The following RPL23 variants were observed in gnomAD, a reference collection of about 807,000 sequenced individuals.
The protein encoded by RPL23 is ribosomal protein L23.
For missense variants in RPL23, 79 were observed against 178.8 expected, an observed-to-expected ratio of 0.44 and a Z score of 3.18; for synonymous variants, 63 against 65.3, an observed-to-expected ratio of 0.97 and a Z score of 0.17.
Position 38,850,285 on chromosome 17 carries a change from G to T in RPL23, c.341-71C>A, listed in dbSNP as rs910995878. 7.1e-6 allele frequency: 11 copies of T among 1,549,466 alleles called. No individual in the cohort carries two copies. The African/African-American group carries it at 1.5e-4, about 21-fold the overall frequency. Reference sequence around the variant, plus strand: ...ACAGATTAAGACATCGTCAAACACAGAAGATCCTTGGCCTGTACTTCTAGA... The same window carrying T: ...ACAGATTAAGACATCGTCAAACACATAAGATCCTTGGCCTGTACTTCTAGA... On this transcript the variant is annotated intron_variant, in intron 4 of 4. Transcript: ENST00000479035.
In RPL23 at chr17:38,848,041, T is replaced by A. The variant is rs1912905897; in HGVS notation, c.*2091A>T. The A allele has an allele frequency of 6.5e-7, 1 of 1,546,414 alleles. No homozygotes were observed. The highest frequency in any genetic ancestry group is 8.7e-7 in the Non-Finnish European group (1 of 1,145,700). Reference sequence around the variant, plus strand: ...TCAGTGGTGTTACTGCACTCCAGCCTGTGTGACAGAGCAAGACTGCCTCAG... The same window carrying A: ...TCAGTGGTGTTACTGCACTCCAGCCAGTGTGACAGAGCAAGACTGCCTCAG... On this transcript the variant is annotated 3_prime_UTR_variant, in exon 5 of 5. Transcript: ENST00000479035.
At chr17:38,851,998 G>A (rs1913015701) in intron 3 of RPL23, 1 of 152,146 alleles carries the variant, frequency 6.6e-6, no homozygotes. Context: ...CAAGTATTTT[G>A]AGGCCTCCCC....
chr17:38,850,623 G>C, intron 3 of RPL23, 148 bp from the exon 4 acceptor site: 1 of 620,432 alleles, frequency 1.6e-6, no homozygotes, highest in Non-Finnish European at 2.9e-6. Flanking sequence ...TCCCACCTCA[G>C]CCTCTCTAGT....
intron 2 of RPL23, 104 bp downstream of exon 2, chr17:38,852,918 C>T (rs887595495): frequency 7.2e-7 from 1 of 1,383,630 alleles, no homozygotes; most frequent in Non-Finnish European, 1.0e-6. Context: ...CACCCAAAAG[C>T]GATGTTTTCA....
In RPL23 at chr17:38,850,422, C is replaced by T. The variant is rs139318203; in HGVS notation, c.280G>A (p.Val94Met). 610 of 1,613,882 alleles carry T rather than the reference C, an allele frequency of 3.8e-4. 1 individual carries two copies. The highest frequency in any genetic ancestry group is 5.2e-4 in the Admixed American group (31 of 59,990). ...QRKSYRRKDG[V>M]FLYFEDNAGV... ...GCATTATCTTCAAAATAAAGAAACA[C>T]GCCATCTTTTCTACGGTATGACTTT... The change falls in exon 4 of 5, where the codon GTG (valine) becomes ATG (methionine). Residue 94 changes from valine (V) to methionine (M), a missense_variant. Transcript: ENST00000479035.
chr17:38,853,050 T>C lies in RPL23; in HGVS notation c.69A>G (p.Gly23=). The change falls in exon 2 of 5, where the codon GGA becomes GGG. Residue 23 remains glycine, a synonymous_variant. Coordinates refer to ENST00000479035, the MANE Select transcript of RPL23 (RefSeq NM_000978.4). The stretch of plus-strand genomic sequence containing the variant: ...TGTTGTCAGCACAATTGATTACAGC[T>C]CCTACCGGAAGACCCAAGGAAATCC... ...KFRISLGLPV[G]AVINCADNTG... 1 of 1,613,966 alleles carries C rather than the reference T, an allele frequency of 6.2e-7. No homozygotes were observed.
chr17:38,850,343 A>C lies in RPL23; in HGVS notation c.340+19T>G. The stretch of plus-strand genomic sequence containing the variant: ...CCCAACCTCAGAGACCTAAGGAACA[A>C]GCTGGACTGATTTCCTACCTTTCAT... On this transcript the variant is annotated intron_variant, in intron 4 of 4. Transcript: ENST00000479035. 6.2e-7 allele frequency: 1 copy of C among 1,602,132 alleles called. No homozygotes were observed. Among genetic ancestry groups the C allele is most frequent in the South Asian group, 1.1e-5 (1 of 90,792 alleles).
chr17:38,852,823 T>A (rs778806893), intron 2 of RPL23, 91 bp from the exon 3 acceptor site: 1 of 1,573,922 alleles, frequency 6.4e-7, no homozygotes, highest in Admixed American at 1.7e-5. Context: ...CCAAAGCCCC[T>A]CCCTCCACTC....
At position 38,850,479 on chromosome 17, in the gene RPL23, AGAG is replaced by A. The variant is rs1442815047; in HGVS notation, c.227-7_227-5del. On this transcript the variant is annotated splice_region_variant and splice_polypyrimidine_tract_variant and intron_variant, in intron 3 of 4. Coordinates refer to ENST00000479035, the MANE Select transcript of RPL23 (RefSeq NM_000978.4). Reference sequence around the variant, plus strand: ...CGAATGACCACTGCTGGATGTACTGAGAGAAGAAAAAAGGACAGCAGTCATTAA... The same window carrying A: ...CGAATGACCACTGCTGGATGTACTGAAAGAAAAAAGGACAGCAGTCATTAA... The A allele has an allele frequency of 1.2e-6, 2 of 1,606,488 alleles. No homozygotes were observed. The highest frequency in any genetic ancestry group is 8.5e-7 in the Non-Finnish European group (1 of 1,173,496).
At position 38,849,298 on chromosome 17, in the gene RPL23, T is replaced by C. The variant is rs1038266236; in HGVS notation, c.*834A>G. ...AACTCACATCATTCCTCAAAATCCA[T>C]GTGTGTGTCCAGGATCTAACTATAT... On this transcript the variant is annotated 3_prime_UTR_variant, in exon 5 of 5. Transcript: ENST00000479035. 3 of 150,974 alleles carry C rather than the reference T, an allele frequency of 2.0e-5. No homozygotes were observed. Among genetic ancestry groups the C allele is most frequent in the African/African-American group, 7.3e-5 (3 of 41,014 alleles). The allele number at this position is 150,974 out of a possible 1,614,324, so 9.4% of individuals were successfully genotyped here. A position where few individuals can be genotyped will look rare whatever the true frequency, so the allele number is the denominator to read the frequency against.
At chr17:38,853,368 AC>A (rs1456020098) in intron 1 of RPL23, 53 of 698,530 alleles carry the variant, frequency 7.6e-5, no homozygotes, top group Non-Finnish European at 2.9e-5. Flanking sequence ...CTTTCGCAAA[AC>A]GCAATTACTC....
rs547543089 is a variant in RPL23 at position 38,847,893 on chromosome 17, C to A, written c.*2239G>T. The A allele has an allele frequency of 1.2e-4, 183 of 1,490,880 alleles. No homozygotes were observed. The African/African-American group carries it at 2.0e-3, about 16-fold the overall frequency. 92.4% of individuals were successfully genotyped at this position (1,490,880 alleles called of 1,614,324 possible). A position where few individuals can be genotyped will look rare whatever the true frequency, so the allele number is the denominator to read the frequency against. On this transcript the variant is annotated 3_prime_UTR_variant, in exon 5 of 5. Coordinates refer to ENST00000479035, the MANE Select transcript of RPL23 (RefSeq NM_000978.4). Reference sequence around the variant, plus strand: ...AAATATAAAGTTTTTTAATCCAAGTCAAAAAAAATCTCCAAAGAATAAAAT... The same window carrying A: ...AAATATAAAGTTTTTTAATCCAAGTAAAAAAAAATCTCCAAAGAATAAAAT...
rs150074732 is a variant in RPL23, at chr17:38,850,253, G to A, written c.341-39C>T. 193 of 1,549,836 alleles carry A rather than the reference G, an allele frequency of 1.2e-4. No homozygotes were observed. The African/African-American group carries it at 2.4e-3, about 19-fold the overall frequency. ...ATAAAATAAAATAAAATAAAAACATGTGGGGGACAGATTAAGACATCGTCA... is the reference window on the plus strand; with the variant it reads ...ATAAAATAAAATAAAATAAAAACATATGGGGGACAGATTAAGACATCGTCA... On this transcript the variant is annotated intron_variant, in intron 4 of 4. Coordinates refer to ENST00000479035, the MANE Select transcript of RPL23 (RefSeq NM_000978.4).
Position 38,853,016 on chromosome 17 carries a change from C to T in RPL23, c.97+6G>A, listed in dbSNP as rs977656573. On this transcript the variant is annotated splice_donor_region_variant and intron_variant, in intron 2 of 4. Coordinates refer to ENST00000479035, the MANE Select transcript of RPL23 (RefSeq NM_000978.4). ...GGGGGAGTATAGCAACGTGCAAAGA[C>T]CTCACCTGTGTTGTCAGCACAATTG... The T allele has an allele frequency of 3.0e-5, 49 of 1,613,690 alleles. No individual in the cohort carries two copies. The highest frequency in any genetic ancestry group is 4.2e-5 in the Non-Finnish European group (49 of 1,179,608).
Position 38,850,351 on chromosome 17 carries a change from TG to T in RPL23, c.340+10del. ...CAGAGACCTAAGGAACAAGCTGGAC[TG>T]ATTTCCTACCTTTCATCTCGCCTTT... On this transcript the variant is annotated intron_variant, in intron 4 of 4. Transcript: ENST00000479035. The T allele has an allele frequency of 6.2e-7, 1 of 1,607,850 alleles. No homozygotes were observed. The highest frequency in any genetic ancestry group is 8.5e-7 in the Non-Finnish European group (1 of 1,174,360).
intron 2 of RPL23, 135 bp downstream of exon 2, chr17:38,852,886 CA>C: frequency 7.3e-7 from 1 of 1,361,762 alleles, no homozygotes; most frequent in Admixed American, 1.7e-5. Flanking sequence ...CCGATTGAAG[CA>C]AACAACACAT....
intron 2 of RPL23, 60 bp from the exon 3 acceptor site, chr17:38,852,792 T>C: frequency 6.2e-6 from 10 of 1,611,778 alleles, no homozygotes; most frequent in Non-Finnish European, 8.5e-6. Flanking sequence ...GTTCCATCAG[T>C]ATAACATTTC....
At position 38,847,873 on chromosome 17, in the gene RPL23, T is replaced by C; in HGVS notation, c.*2259A>G. The C allele has an allele frequency of 6.8e-7, 1 of 1,475,366 alleles. No individual in the cohort carries two copies. Among genetic ancestry groups the C allele is most frequent in the Non-Finnish European group, 9.0e-7 (1 of 1,111,032 alleles). The allele number at this position is 1,475,366 out of a possible 1,614,324, so 91.4% of individuals were successfully genotyped here. A position where few individuals can be genotyped will look rare whatever the true frequency, so the allele number is the denominator to read the frequency against. On this transcript the variant is annotated 3_prime_UTR_variant, in exon 5 of 5. Coordinates refer to ENST00000479035, the MANE Select transcript of RPL23 (RefSeq NM_000978.4). ...GAAAACATTTAGTGAAGTGTAAATA[T>C]AAAGTTTTTTAATCCAAGTCAAAAA...
chr17:38,848,177 G>GC lies in RPL23; in HGVS notation c.*1954dup. On this transcript the variant is annotated 3_prime_UTR_variant, in exon 5 of 5. Coordinates refer to ENST00000479035, the MANE Select transcript of RPL23 (RefSeq NM_000978.4). ...GGGCCTAGGGGCTTGTCACACTAAA[G>GC]CTGACTTGAAATTGACCATACTCAG... 8.6e-7 allele frequency: 1 copy of GC among 1,161,068 alleles called. No homozygotes were observed. The highest frequency in any genetic ancestry group is 1.1e-6 in the Non-Finnish European group (1 of 895,712). The allele number at this position is 1,161,068 out of a possible 1,614,324, so 71.9% of individuals were successfully genotyped here.
Sources: gnomAD v4.1 joint callset for allele counts on GRCh38, gnomAD v4.1.1 for gene constraint, MANE v1.5 for transcripts, NCBI Gene and HGNC (gene_info 2026-07-23, HGNC 2026-07-21) for gene names.